ADGRA3: variants seen among roughly 807,000 people sequenced by gnomAD.
ADGRA3 encodes the protein adhesion G protein-coupled receptor A3.
Under a neutral mutation model 119.8 loss-of-function variants are expected in ADGRA3, and 56 were observed. The ratio of observed to expected loss-of-function variants is 0.47; its 90% CI spans 0.38 to 0.58. The LOEUF (loss-of-function observed/expected upper bound fraction) is 0.58. Ranked by LOEUF, ADGRA3 falls within the 20% of genes least tolerant of loss-of-function variation. ADGRA3 has a pLI of 0.00. For synonymous variants in ADGRA3, 607 were observed against 623.8 expected (o/e 0.97, Z 0.40); for missense variants, 1,516 against 1,649.0 (o/e 0.92, Z 1.40).
intron 1 of ADGRA3, among the ~76,000 whole-genome samples, chr4:22,495,737 T>C (rs1316727051): frequency 6.6e-6 from 1 of 151,340 alleles, no homozygotes; most frequent in Non-Finnish European, 1.5e-5. Flanking sequence ...TGAAACCCCG[T>C]CGCTACTAAA....
rs769648494 is a variant in ADGRA3 at position 22,445,069 on chromosome 4, C to T, written c.610G>A (p.Glu204Lys). ...NILWMHRWVK[E>K]KNITVRDTRC... ...GTATCCCGTACCGTGATGTTCTTCT[C>T]CTTTACCCAGCGATGCATCCACAGT... Residue 204 changes from glutamate to lysine, a missense_variant, in exon 6 of 19, where the codon GAG becomes AAG. Glu to Lys is a moderately conservative substitution (Grantham distance 56, BLOSUM62 1). Transcript: ENST00000334304. 1.9e-6 allele frequency: 3 copies of T among 1,614,008 alleles called. No homozygotes were observed. In the South Asian group the frequency reaches 3.3e-5, roughly 18 times the overall value.
At chr4:22,452,318 G>A (rs533761117) in intron 4 of ADGRA3, among the ~76,000 whole-genome samples, 36 of 152,186 alleles carry the variant, frequency 2.4e-4, no homozygotes, top group Non-Finnish European at 5.0e-4. Flanking sequence ...TTCAGGTGAT[G>A]GATACCTAAA....
chr4:22,429,644 A>T (rs1386834250), intron 10 of ADGRA3, among the ~76,000 whole-genome samples: 1 of 150,984 alleles, frequency 6.6e-6, no homozygotes, highest in Non-Finnish European at 1.5e-5. Flanking sequence ...AGGTAGAAGG[A>T]GGTTAAAAAA....
chr4:22,502,737 C>A (rs1329180977), intron 1 of ADGRA3, among the ~76,000 whole-genome samples: 1 of 151,754 alleles, frequency 6.6e-6, no homozygotes, highest in African/African-American at 2.4e-5. Context: ...AAAAAAAAAT[C>A]TGGGTGAAAG....
intron 12 of ADGRA3, chr4:22,414,037 G>A (rs1715332254): frequency 2.6e-6 from 1 of 387,348 alleles, no homozygotes; most frequent in Non-Finnish European, 4.6e-6. Flanking sequence ...ACTTTAAAGA[G>A]TTAAATAAGT....
chr4:22,410,720 TAA>T (rs1211549552), intron 14 of ADGRA3, among the ~76,000 whole-genome samples: 7 of 152,182 alleles, frequency 4.6e-5, no homozygotes, highest in African/African-American at 1.7e-4. Flanking sequence ...TAACTTTACC[TAA>T]AAGTGGGTAT....
At chr4:22,453,737 T>C (rs1255007891) in intron 4 of ADGRA3, among the ~76,000 whole-genome samples, 1 of 152,230 alleles carries the variant, frequency 6.6e-6, no homozygotes, top group Non-Finnish European at 1.5e-5. Flanking sequence ...AGTGGCTTCC[T>C]ATTGTTTAGT....
At chr4:22,473,431 T>C (rs1334214618) in intron 2 of ADGRA3, among the ~76,000 whole-genome samples, 1 of 152,182 alleles carries the variant, frequency 6.6e-6, no homozygotes, top group Non-Finnish European at 1.5e-5. Context: ...AAGTAAAGAT[T>C]TACTGGAAGA....
At chr4:22,471,661 A>T (rs1717862063) in intron 2 of ADGRA3, among the ~76,000 whole-genome samples, 1 of 151,870 alleles carries the variant, frequency 6.6e-6, no homozygotes, top group Non-Finnish European at 1.5e-5. Flanking sequence ...GTAGATAAAG[A>T]TGTTCTCTAA....
intron 1 of ADGRA3, chr4:22,478,109 G>A (rs1560337444): frequency 1.3e-5 from 2 of 152,108 alleles, no homozygotes; most frequent in South Asian, 2.1e-4. Context: ...ATGATCTATG[G>A]ACGATGCTTA....
At chr4:22,515,488 G>A in intron 1 of ADGRA3, 40 bp downstream of exon 1, 1 of 1,585,944 alleles carries the variant, frequency 6.3e-7, no homozygotes, top group Non-Finnish European at 8.6e-7. Context: ...ATAAGAAAGA[G>A]CCGAGCGGGA....
At chr4:22,458,830 T>C (rs1158165786) in intron 3 of ADGRA3, among the ~76,000 whole-genome samples, 3 of 151,920 alleles carry the variant, frequency 2.0e-5, no homozygotes, top group Non-Finnish European at 2.9e-5. Context: ...CACTAGAAAA[T>C]AATAAAGTGC....
In ADGRA3 at chr4:22,450,971, T is replaced by TAC. The variant is rs1185967047; in HGVS notation, c.474-3462_474-3461dup. On this transcript the variant is annotated intron_variant, in intron 4 of 18. Transcript: ENST00000334304. ...AAAAAAATATATATATATATATATA[T>TAC]ACACCAGATCATTAATACAAGTTAT... Among the ~76,000 whole-genome samples the TAC allele has an allele frequency of 4.6e-4, 67 of 146,892 alleles. 1 individual carries two copies. The highest frequency in any genetic ancestry group is 2.2e-3 in the East Asian group (11 of 5,058).
rs1713877591 is a variant in ADGRA3 at position 22,387,531 on chromosome 4, CT to C, written c.*173del. The stretch of plus-strand genomic sequence containing the variant: ...TTTTAGAAAGATTTTGTTTCAGATC[CT>C]AAAAAATAGCAACAATTTGGGGATA... On this transcript the variant is annotated 3_prime_UTR_variant, in exon 19 of 19. Coordinates refer to ENST00000334304, the MANE Select transcript of ADGRA3 (RefSeq NM_145290.4). 1.7e-6 allele frequency: 1 copy of C among 579,130 alleles called. No individual in the cohort carries two copies. The highest frequency in any genetic ancestry group is 4.8e-5 in the South Asian group (1 of 20,948). 35.9% of individuals were successfully genotyped at this position (579,130 alleles called of 1,614,324 possible).
chr4:22,510,884 C>T (rs1043076775), intron 1 of ADGRA3, among the ~76,000 whole-genome samples: 1 of 152,180 alleles, frequency 6.6e-6, no homozygotes, highest in Non-Finnish European at 1.5e-5. Flanking sequence ...TTAATTGTTC[C>T]CTAAATGTCT....
intron 2 of ADGRA3, among the ~76,000 whole-genome samples, chr4:22,467,084 A>G (rs1717685690): frequency 6.6e-6 from 1 of 152,250 alleles, no homozygotes; most frequent in Non-Finnish European, 1.5e-5. Flanking sequence ...CAGTCATGAC[A>G]TCTGTAGTTG....
At chr4:22,417,968 G>A (rs771219088) in intron 12 of ADGRA3, among the ~76,000 whole-genome samples, 1 of 152,174 alleles carries the variant, frequency 6.6e-6, no homozygotes, top group Non-Finnish European at 1.5e-5. Flanking sequence ...GTCAGGTGAA[G>A]TATAAAGAAT....
At chr4:22,401,589 G>C (rs1427897830) in intron 15 of ADGRA3, 35 bp from the exon 16 acceptor site, 1 of 1,535,440 alleles carries the variant, frequency 6.5e-7, no homozygotes, top group Admixed American at 1.8e-5. Flanking sequence ...TAATATTCAG[G>C]CTAGTACATA....
intron 14 of ADGRA3, among the ~76,000 whole-genome samples, chr4:22,408,373 AAGATGTATGC>A (rs1715043513): frequency 8.5e-5 from 13 of 152,130 alleles, no homozygotes; most frequent in Admixed American, 8.5e-4. Flanking sequence ...GAACTGGGAG[AAGATGTATGC>A]AACACATAAA....
Sources: gnomAD v4.1 joint callset for allele counts (sites outside exome capture counted in the v4.1 genomes callset) on GRCh38, gnomAD v4.1.1 for gene constraint, MANE v1.5 for transcripts, NCBI Gene and HGNC (gene_info 2026-07-23, HGNC 2026-07-21) for gene names.